Variants in TNNI3K observed in about 807,000 individuals in gnomAD.
The protein encoded by TNNI3K is serine/threonine-protein kinase TNNI3K.
Under a neutral mutation model 114.5 loss-of-function variants are expected in TNNI3K, and 140 were observed. That is an observed-to-expected ratio of 1.22 (90% CI 1.07 to 1.41). TNNI3K has a LOEUF of 1.41. Among genes scored for constraint, TNNI3K ranks in the 40% most tolerant of loss-of-function variants. TNNI3K has a pLI of 0.00. For synonymous variants in TNNI3K, 347 were observed against 347.5 expected (o/e 1.00, Z 0.02); for missense variants, 1,125 against 1,007.6 (o/e 1.12, Z -1.58).
intron 5 of TNNI3K, among the ~76,000 whole-genome samples, chr1:74,283,740 C>T (rs1445532415): frequency 6.6e-6 from 1 of 152,028 alleles, no homozygotes; most frequent in Non-Finnish European, 1.5e-5. Context: ...AATTTGCTTC[C>T]AACATCCTAG....
At chr1:74,370,019 T>C (rs1354236056) in intron 16 of TNNI3K, 2 of 251,182 alleles carry the variant, frequency 8.0e-6, no homozygotes, top group African/African-American at 4.5e-5. Flanking sequence ...CATTTTACAA[T>C]ATTACAAAGA....
chr1:74,497,627 C>G (rs1030418622), intron 23 of TNNI3K, among the ~76,000 whole-genome samples: 4 of 151,644 alleles, frequency 2.6e-5, no homozygotes, highest in Non-Finnish European at 5.9e-5. Context: ...CATTCCTCCA[C>G]ACACACAATT....
chr1:74,297,306 A>T (rs1421917103), intron 5 of TNNI3K, among the ~76,000 whole-genome samples: 1 of 152,144 alleles, frequency 6.6e-6, no homozygotes, highest in Non-Finnish European at 1.5e-5. Flanking sequence ...ATTCCCCCTG[A>T]TATTCGTATG....
chr1:74,298,870 T>C lies in TNNI3K; in HGVS notation c.444+27162T>C, dbSNP rs532321870. ...GTCCATTTTGGTTTATAAAAAAGCA[T>C]CAATGTATCTTCTAAAAGTGCCATA... On this transcript the variant is annotated intron_variant, in intron 5 of 24. Transcript: ENST00000326637. Among the ~76,000 whole-genome samples the C allele has an allele frequency of 3.7e-4, 56 of 152,236 alleles. 1 individual carries two copies. Among genetic ancestry groups the C allele is most frequent in the African/African-American group, 1.3e-3 (54 of 41,572 alleles).
intron 5 of TNNI3K, among the ~76,000 whole-genome samples, chr1:74,324,798 G>A (rs980044082): frequency 1.3e-5 from 2 of 152,132 alleles, no homozygotes; most frequent in Non-Finnish European, 2.9e-5. Context: ...TCTAATTAAT[G>A]GCTTTAGAGT....
At chr1:74,349,171 A>T (rs1661190900) in intron 9 of TNNI3K, among the ~76,000 whole-genome samples, 1 of 152,152 alleles carries the variant, frequency 6.6e-6, no homozygotes, top group African/African-American at 2.4e-5. Context: ...GATACATCCC[A>T]TCAATACCTA....
chr1:74,288,167 T>A (rs1286060767), intron 5 of TNNI3K, among the ~76,000 whole-genome samples: 3 of 152,078 alleles, frequency 2.0e-5, no homozygotes, highest in Admixed American at 2.0e-4. Flanking sequence ...CCTCAAAAAA[T>A]TCAAAATATG....
chr1:74,399,605 G>C (rs924978553), intron 17 of TNNI3K, among the ~76,000 whole-genome samples: 1 of 152,142 alleles, frequency 6.6e-6, no homozygotes, highest in Non-Finnish European at 1.5e-5. Context: ...CATTACACTC[G>C]AGTCAAGAGA....
At position 74,369,264 on chromosome 1, in the gene TNNI3K, G is replaced by T. The variant is rs192259069; in HGVS notation, c.1472G>T (p.Arg491Leu). Residue 491 changes from arginine (R) to leucine (L), a missense_variant and splice_region_variant, in exon 15 of 25, where the codon CGT (arginine) becomes CTT (leucine). By Grantham distance (102) the Arg-to-Leu change is moderately radical (BLOSUM62 -2). Coordinates refer to ENST00000326637, the MANE Select transcript of TNNI3K (RefSeq NM_015978.3). ...AGAAATAAAATAGTGGCTATAAAAC[G>T]GTAAGCAAGCAAATGAAAAAATTTA... ...RCRNKIVAIK[R>L]YRANTYCSKS... is the part of the protein sequence containing the mutation. 6.2e-7 allele frequency: 1 copy of T among 1,611,866 alleles called. No homozygotes were observed. Among genetic ancestry groups the T allele is most frequent in the Admixed American group, 1.7e-5 (1 of 59,682 alleles).
At chr1:74,326,601 A>C (rs1345440084) in intron 5 of TNNI3K, among the ~76,000 whole-genome samples, 1 of 152,208 alleles carries the variant, frequency 6.6e-6, no homozygotes, top group Non-Finnish European at 1.5e-5. Flanking sequence ...TTGGAACATA[A>C]GTTTAAAATT....
At chr1:74,505,915 A>G (rs1460315982) in intron 23 of TNNI3K, among the ~76,000 whole-genome samples, 4 of 152,230 alleles carry the variant, frequency 2.6e-5, no homozygotes, top group Non-Finnish European at 4.4e-5. Flanking sequence ...GCAAACGAGT[A>G]CAAAAAATTT....
Position 74,444,897 on chromosome 1 carries a change from C to T in TNNI3K, c.2011+5275C>T, listed in dbSNP as rs567831903. ...AGACCACACATTTACACATCTATAA[C>T]CATCTGATCTTTGACAAACCTAACA... On this transcript the variant is annotated intron_variant, in intron 20 of 24. Coordinates refer to ENST00000326637, the MANE Select transcript of TNNI3K (RefSeq NM_015978.3). Among the ~76,000 whole-genome samples, 13 of 151,444 alleles carry T rather than the reference C, an allele frequency of 8.6e-5. No homozygotes were observed. In the South Asian group the frequency reaches 2.3e-3, roughly 27 times the overall value.
chr1:74,489,990 C>T (rs1031365094), intron 22 of TNNI3K, among the ~76,000 whole-genome samples: 2 of 147,018 alleles, frequency 1.4e-5, no homozygotes, highest in African/African-American at 2.5e-5. Flanking sequence ...TAGCATCAAC[C>T]TGAGATTGCA....
chr1:74,361,208 T>G (rs976690316), intron 11 of TNNI3K, among the ~76,000 whole-genome samples: 13 of 152,092 alleles, frequency 8.5e-5, no homozygotes, highest in Admixed American at 5.9e-4. Flanking sequence ...GCATTGGAAC[T>G]GCAAAAATTT....
chr1:74,466,241 G>C (rs1323229971), intron 21 of TNNI3K, among the ~76,000 whole-genome samples: 1 of 152,084 alleles, frequency 6.6e-6, no homozygotes, highest in Non-Finnish European at 1.5e-5. Flanking sequence ...CACCAATTCT[G>C]GACACACTAT....
intron 17 of TNNI3K, chr1:74,375,774 C>T (rs950298721): frequency 2.8e-6 from 1 of 355,538 alleles, no homozygotes; most frequent in South Asian, 2.1e-5. Context: ...TTTGAGAAGA[C>T]TGATTTGAGT....
chr1:74,402,034 T>G, intron 17 of TNNI3K: 1 of 238,284 alleles, frequency 4.2e-6, no homozygotes, highest in Non-Finnish European at 8.3e-6. Flanking sequence ...TAAGTTGGAA[T>G]AATCTGGTTC....
intron 23 of TNNI3K, among the ~76,000 whole-genome samples, chr1:74,500,821 G>A (rs1363856883): frequency 2.0e-5 from 3 of 151,636 alleles, no homozygotes; most frequent in Admixed American, 6.6e-5. Context: ...CTTTGTTGCT[G>A]TTAAAATTTC....
chr1:74,400,593 C>CTA (rs1664308456), intron 17 of TNNI3K, among the ~76,000 whole-genome samples: 1 of 152,178 alleles, frequency 6.6e-6, no homozygotes, highest in Admixed American at 6.5e-5. Context: ...TTGCAAAAGT[C>CTA]TATCATTGCT....
Sources: gnomAD v4.1 joint callset for allele counts (sites outside exome capture counted in the v4.1 genomes callset) on GRCh38, gnomAD v4.1.1 for gene constraint, MANE v1.5 for transcripts, NCBI Gene and HGNC (gene_info 2026-07-23, HGNC 2026-07-21) for gene names.